The following ANKRD44 variants were observed in gnomAD, a reference collection of about 807,000 sequenced individuals.
ANKRD44 encodes the protein serine/threonine-protein phosphatase 6 regulatory ankyrin repeat subunit B.
Under a neutral mutation model 116.0 loss-of-function variants are expected in ANKRD44, and 35 were observed. That is an observed-to-expected ratio of 0.30 (90% confidence interval 0.23 to 0.40). The LOEUF (loss-of-function observed/expected upper bound fraction) is 0.40. Ranked by LOEUF, ANKRD44 falls within the 10% of genes least tolerant of loss-of-function variation. ANKRD44 has a pLI of 1.00. For missense variants in ANKRD44, 1,014 were observed against 1,242.6 expected (o/e 0.82, Z 2.77); for synonymous variants, 435 against 461.8 (o/e 0.94, Z 0.74).
intron 16 of ANKRD44, among the ~76,000 whole-genome samples, chr2:197,050,270 C>A (rs2077081659): frequency 6.6e-6 from 1 of 152,128 alleles, no homozygotes; most frequent in African/African-American, 2.4e-5. Flanking sequence ...TCTCATGATC[C>A]AATCGCCTCC....
chr2:197,171,306 G>A (rs934125254), intron 2 of ANKRD44, among the ~76,000 whole-genome samples: 1 of 152,194 alleles, frequency 6.6e-6, no homozygotes, highest in African/African-American at 2.4e-5. Context: ...TAATGCCACA[G>A]ACCCTGACAT....
In ANKRD44 at chr2:196,987,141, C is replaced by T. The variant is rs574878874; in HGVS notation, c.*2450G>A. 1.0e-6 allele frequency: 1 copy of T among 984,968 alleles called. No individual in the cohort carries two copies. The highest frequency in any genetic ancestry group is 4.7e-5 in the South Asian group (1 of 21,278). 61.0% of individuals were successfully genotyped at this position (984,968 alleles called of 1,614,324 possible). On this transcript the variant is annotated 3_prime_UTR_variant, in exon 28 of 28. Transcript: ENST00000282272. ...TTTTATACAAACACTCAGATTGTCACTATCTTAAAATGCTTTTCCCCTATA... is the reference window on the plus strand; with the variant it reads ...TTTTATACAAACACTCAGATTGTCATTATCTTAAAATGCTTTTCCCCTATA...
rs533406919 is a variant in ANKRD44 at position 197,180,198 on chromosome 2, A to G, written c.111+6825T>C. Among the ~76,000 whole-genome samples, 5 of 152,272 alleles carry G rather than the reference A, an allele frequency of 3.3e-5. No individual in the cohort carries two copies. In the South Asian group the frequency reaches 1.0e-3, roughly 32 times the overall value. On this transcript the variant is annotated intron_variant, in intron 2 of 27. Transcript: ENST00000282272. ...ACTTTCCAGATGCATGTGGCCAGAGAAACCTTCATCACTGAATATTTGCTG... is the reference window on the plus strand; with the variant it reads ...ACTTTCCAGATGCATGTGGCCAGAGGAACCTTCATCACTGAATATTTGCTG...
chr2:197,253,453 C>G (rs1378145686), intron 1 of ANKRD44, among the ~76,000 whole-genome samples: 1 of 152,190 alleles, frequency 6.6e-6, no homozygotes, highest in Non-Finnish European at 1.5e-5. Context: ...CACACACGTA[C>G]ATATTCCACA....
intron 17 of ANKRD44, among the ~76,000 whole-genome samples, chr2:197,022,592 G>C (rs1185779049): frequency 6.6e-6 from 1 of 152,172 alleles, no homozygotes; most frequent in Non-Finnish European, 1.5e-5. Flanking sequence ...TCTGTGGACA[G>C]TTCATGAGTT....
intron 16 of ANKRD44, among the ~76,000 whole-genome samples, chr2:197,034,933 A>G (rs2076781066): frequency 6.6e-6 from 1 of 152,192 alleles, no homozygotes; most frequent in Non-Finnish European, 1.5e-5. Flanking sequence ...GAGATGCACA[A>G]TGGAGTTTTT....
At chr2:197,040,672 C>G (rs558021621) in intron 16 of ANKRD44, among the ~76,000 whole-genome samples, 1 of 151,898 alleles carries the variant, frequency 6.6e-6, no homozygotes, top group Admixed American at 6.6e-5. Context: ...CCACTGTGCC[C>G]GGCCTGTTTC....
At chr2:197,163,814 G>A (rs913312911) in intron 2 of ANKRD44, among the ~76,000 whole-genome samples, 1 of 152,194 alleles carries the variant, frequency 6.6e-6, no homozygotes, top group Non-Finnish European at 1.5e-5. Flanking sequence ...ATTCAGTACA[G>A]ACGGGTTTTC....
chr2:197,073,400 G>A (rs2077600927), intron 16 of ANKRD44, among the ~76,000 whole-genome samples: 1 of 152,150 alleles, frequency 6.6e-6, no homozygotes, highest in Non-Finnish European at 1.5e-5. Flanking sequence ...CTTCCCGAGT[G>A]GGATCAAGGA....
chr2:197,006,005 A>G lies in ANKRD44; in HGVS notation c.2131-95T>C, dbSNP rs2076195232. On this transcript the variant is annotated intron_variant, in intron 20 of 27. Coordinates refer to ENST00000282272, the MANE Select transcript of ANKRD44 (RefSeq NM_001195144.2). ...GAGGCTGGGCTTAGAGCAAGTGGAC[A>G]TATGCCTGGGTCTTTAAGGAAGGCA... 15 of 1,160,088 alleles carry G rather than the reference A, an allele frequency of 1.3e-5. No individual in the cohort carries two copies. In the East Asian group the frequency reaches 2.6e-4, roughly 20 times the overall value. 71.9% of individuals were successfully genotyped at this position (1,160,088 alleles called of 1,614,324 possible).
In ANKRD44 at chr2:196,990,618, A is replaced by G. The variant is rs79299388; in HGVS notation, c.2924-969T>C. ...TACTTGAATACAACATAAACCTGGA[A>G]TTCAAGCTTCTTTCCTTTCCTCCAA... On this transcript the variant is annotated intron_variant, in intron 27 of 27. Transcript: ENST00000282272. 1,567 of 1,231,714 alleles carry G rather than the reference A, an allele frequency of 1.3e-3. 18 individuals carry two copies. The East Asian group carries it at 0.025, about 20-fold the overall frequency. 76.3% of individuals were successfully genotyped at this position (1,231,714 alleles called of 1,614,324 possible).
At chr2:197,019,778 T>C (rs1558995097) in intron 17 of ANKRD44, among the ~76,000 whole-genome samples, 1 of 152,112 alleles carries the variant, frequency 6.6e-6, no homozygotes, top group South Asian at 2.1e-4. Context: ...GCTCAGGGAA[T>C]AGGCGATTTC....
chr2:197,018,923 T>G (rs979167544), intron 17 of ANKRD44, among the ~76,000 whole-genome samples: 9 of 152,172 alleles, frequency 5.9e-5, no homozygotes, highest in Non-Finnish European at 1.5e-5. Context: ...TTAATTAACT[T>G]GTCCAAGATC....
intron 1 of ANKRD44, among the ~76,000 whole-genome samples, chr2:197,244,042 G>C (rs552698797): frequency 1.5e-3 from 224 of 152,276 alleles, no homozygotes; most frequent in African/African-American, 5.0e-3. Flanking sequence ...ATGGATAAAA[G>C]TTAGCGAACA....
chr2:197,161,521 G>C (rs545994876), intron 2 of ANKRD44, among the ~76,000 whole-genome samples: 2 of 152,262 alleles, frequency 1.3e-5, no homozygotes, highest in South Asian at 4.2e-4. Context: ...TGCAAGAATA[G>C]AGTCTTCTCC....
At chr2:197,286,794 G>GA (rs1362524963) in intron 1 of ANKRD44, among the ~76,000 whole-genome samples, 3 of 152,082 alleles carry the variant, frequency 2.0e-5, no homozygotes, top group Middle Eastern at 3.4e-3. Flanking sequence ...GCCACAGAAT[G>GA]AAAAATCTCT....
chr2:197,087,555 G>A (rs76600161), intron 12 of ANKRD44, among the ~76,000 whole-genome samples: 1 of 152,312 alleles, frequency 6.6e-6, no homozygotes, highest in East Asian at 1.9e-4. Context: ...TAGGATGCTA[G>A]AAGTGGCCTG....
At chr2:197,144,938 A>T (rs146229887) in intron 3 of ANKRD44, among the ~76,000 whole-genome samples, 107 of 152,360 alleles carry the variant, frequency 7.0e-4, no homozygotes, top group African/African-American at 2.5e-3. Context: ...CAAAGTTCTG[A>T]ATTTGTACAT....
chr2:197,029,568 G>A (rs1441976588), intron 16 of ANKRD44: 5 of 471,420 alleles, frequency 1.1e-5, no homozygotes, highest in African/African-American at 1.0e-4. Context: ...TGCCCACCAA[G>A]AGCAAGTTTC....
Sources: gnomAD v4.1 joint callset for allele counts (sites outside exome capture counted in the v4.1 genomes callset) on GRCh38, gnomAD v4.1.1 for gene constraint, MANE v1.5 for transcripts, NCBI Gene and HGNC (gene_info 2026-07-23, HGNC 2026-07-21) for gene names.